The following MAD1L1 variants were observed in gnomAD, a reference collection of about 807,000 sequenced individuals.
The protein encoded by MAD1L1 is mitotic spindle assembly checkpoint protein MAD1.
A neutral mutation model predicts 96.9 loss-of-function variants in MAD1L1; 95 were observed. The observed-to-expected ratio is 0.98, with a 90% CI of 0.83 to 1.16. MAD1L1 has a LOEUF of 1.16. Ranked by LOEUF, MAD1L1 falls within the 50% of genes most tolerant of loss-of-function variation. The pLI is 0.00. For missense variants in MAD1L1, 1,007 were observed against 954.4 expected (o/e 1.06, Z -0.73); for synonymous variants, 473 against 396.6 (o/e 1.19, Z -2.29).
chr7:2,227,288 C>A (rs1451792973), intron 3 of MAD1L1, among the ~76,000 whole-genome samples: 1 of 152,076 alleles, frequency 6.6e-6, no homozygotes, highest in Non-Finnish European at 1.5e-5. Flanking sequence ...AGAGTAAGAC[C>A]CTATCTCCAA....
intron 10 of MAD1L1, among the ~76,000 whole-genome samples, chr7:2,207,534 G>C (rs1056275961): frequency 6.6e-6 from 1 of 152,202 alleles, no homozygotes; most frequent in Non-Finnish European, 1.5e-5. Flanking sequence ...AATAAGGCCA[G>C]GGTTCAGAGC....
Position 2,054,267 on chromosome 7 carries a change from G to A in MAD1L1, c.1218+14927C>T, listed in dbSNP as rs374269877. Among the ~76,000 whole-genome samples the A allele has an allele frequency of 7.2e-5, 11 of 152,342 alleles. No homozygotes were observed. In the East Asian group the frequency reaches 7.7e-4, roughly 11 times the overall value. On this transcript the variant is annotated intron_variant, in intron 12 of 18. Coordinates refer to ENST00000265854, the MANE Select transcript of MAD1L1 (RefSeq NM_001013836.2). ...ATGGGTGACCTGAATCCAGTGTAAC[G>A]CAGCCTCCAAACTCCACGCACCTGA...
intron 14 of MAD1L1, among the ~76,000 whole-genome samples, chr7:1,992,120 C>T (rs868648265): frequency 7.4e-4 from 102 of 137,392 alleles, no homozygotes; most frequent in Admixed American, 2.1e-3. Flanking sequence ...GCTGGCCTCA[C>T]GAGCACCGCT....
chr7:1,894,716 GC>G (rs1445493138), intron 18 of MAD1L1, among the ~76,000 whole-genome samples: 1 of 152,128 alleles, frequency 6.6e-6, no homozygotes, highest in East Asian at 1.9e-4. Context: ...AGGGGAGGGG[GC>G]GAGCGGGGTG....
At position 1,855,536 on chromosome 7, in the gene MAD1L1, G is replaced by A. The variant is rs181173139; in HGVS notation, c.1999-39308C>T. On this transcript the variant is annotated intron_variant, in intron 18 of 18. Coordinates refer to ENST00000265854, the MANE Select transcript of MAD1L1 (RefSeq NM_001013836.2). Reference sequence around the variant, plus strand: ...CACACACTCACTTTCCAGAAAACACGGCCCGGGCCCAGCCCAGCCCAGCCC... The same window carrying A: ...CACACACTCACTTTCCAGAAAACACAGCCCGGGCCCAGCCCAGCCCAGCCC... 3.1e-3 allele frequency among the ~76,000 whole-genome samples: 472 copies of A among 151,612 alleles called. 4 individuals are homozygous for A. Among genetic ancestry groups the A allele is most frequent in the Non-Finnish European group, 5.4e-3 (367 of 67,694 alleles).
chr7:1,941,243 G>C (rs189690772), intron 16 of MAD1L1, among the ~76,000 whole-genome samples: 1 of 152,166 alleles, frequency 6.6e-6, no homozygotes, highest in Admixed American at 6.5e-5. Context: ...TCCTGGCAAC[G>C]TTCAACGTTC....
At chr7:1,871,394 C>G (rs1785087205) in intron 18 of MAD1L1, among the ~76,000 whole-genome samples, 1 of 140,728 alleles carries the variant, frequency 7.1e-6, no homozygotes, top group African/African-American at 2.7e-5. Flanking sequence ...ACCGTAACAC[C>G]TGCCACGCTG....
chr7:2,041,839 G>A (rs1018109639), intron 12 of MAD1L1, among the ~76,000 whole-genome samples: 5 of 152,284 alleles, frequency 3.3e-5, no homozygotes, highest in Admixed American at 6.5e-5. Context: ...CCACAGGGGG[G>A]AGGGATACTG....
In MAD1L1 at chr7:2,218,156, A is replaced by G. The variant is rs1405940823; in HGVS notation, c.597-113T>C. 5 of 765,838 alleles carry G rather than the reference A, an allele frequency of 6.5e-6. No homozygotes were observed. In the East Asian group the frequency reaches 1.3e-4, roughly 20 times the overall value. The allele number at this position is 765,838 out of a possible 1,614,324, so 47.4% of individuals were successfully genotyped here. ...ACCCACATACGTTCATTCCCACCCC[A>G]AGGTTCAGGACCTCCCACGGCACAG... On this transcript the variant is annotated intron_variant, in intron 6 of 18. Transcript: ENST00000265854.
rs554690233 is a variant in MAD1L1, at chr7:1,959,526, C to T, written c.1506-1807G>A. 3.9e-5 allele frequency among the ~76,000 whole-genome samples: 6 copies of T among 152,288 alleles called. 1 individual carries two copies. The highest frequency in any genetic ancestry group is 1.4e-4 in the African/African-American group (6 of 41,554). On this transcript the variant is annotated intron_variant, in intron 15 of 18. Transcript: ENST00000265854. Reference sequence around the variant, plus strand: ...AGACGCTGGCAGCCCCAGAGCACATCAGGACAAGCCTGCTCAGGACCACGG... The same window carrying T: ...AGACGCTGGCAGCCCCAGAGCACATTAGGACAAGCCTGCTCAGGACCACGG...
chr7:1,952,524 C>T (rs1259098548), intron 16 of MAD1L1, among the ~76,000 whole-genome samples: 3 of 152,220 alleles, frequency 2.0e-5, no homozygotes, highest in Admixed American at 1.3e-4. Context: ...CCAGAACATC[C>T]GGGCTGTGGC....
At chr7:2,080,577 A>C (rs1010208024) in intron 11 of MAD1L1, among the ~76,000 whole-genome samples, 1 of 124,358 alleles carries the variant, frequency 8.0e-6, no homozygotes, top group Non-Finnish European at 1.6e-5. Context: ...CTCTGGTAGG[A>C]AGCCCAGGAT....
At chr7:1,862,844 C>T (rs995801974) in intron 18 of MAD1L1, among the ~76,000 whole-genome samples, 3 of 152,252 alleles carry the variant, frequency 2.0e-5, no homozygotes, top group African/African-American at 7.2e-5. Context: ...TTCACCGAAA[C>T]CCTCATCTAC....
intron 11 of MAD1L1, among the ~76,000 whole-genome samples, chr7:2,105,670 G>A (rs1340209674): frequency 6.6e-6 from 1 of 152,114 alleles, no homozygotes; most frequent in Non-Finnish European, 1.5e-5. Flanking sequence ...TCTCACCACA[G>A]CCCTGCTTTA....
intron 14 of MAD1L1, among the ~76,000 whole-genome samples, chr7:1,994,396 A>G (rs368847886): frequency 7.9e-5 from 12 of 152,210 alleles, no homozygotes; most frequent in East Asian, 3.9e-4. Context: ...GAGGGGGAGC[A>G]GCACAGGGAT....
chr7:1,817,749 G>A (rs1220744921), intron 18 of MAD1L1, among the ~76,000 whole-genome samples: 2 of 152,092 alleles, frequency 1.3e-5, no homozygotes, highest in Non-Finnish European at 2.9e-5. Flanking sequence ...TTTGGAAAGC[G>A]CTCCCTCCGC....
intron 18 of MAD1L1, chr7:1,847,345 G>C: frequency 2.1e-6 from 1 of 471,088 alleles, no homozygotes; most frequent in Non-Finnish European, 4.4e-6. Flanking sequence ...GGCGGTGCTC[G>C]CGGAGGTACC....
At chr7:2,046,913 C>T (rs778038520) in intron 12 of MAD1L1, among the ~76,000 whole-genome samples, 9 of 152,222 alleles carry the variant, frequency 5.9e-5, no homozygotes, top group Non-Finnish European at 1.3e-4. Context: ...GCTACCTCTG[C>T]ACCACACGCT....
chr7:1,847,357 C>T (rs761246175), intron 18 of MAD1L1: 4 of 470,944 alleles, frequency 8.5e-6, no homozygotes, highest in Admixed American at 2.3e-5. Flanking sequence ...GGAGGTACCA[C>T]GGGGCGGACC....
Sources: allele counts gnomAD v4.1 joint callset (sites outside exome capture counted in the v4.1 genomes callset), GRCh38; gene constraint gnomAD v4.1.1; transcripts MANE v1.5; gene names NCBI Gene and HGNC (gene_info 2026-07-23, HGNC 2026-07-21).